The following DNMBP variants were observed in gnomAD, a reference collection of about 807,000 sequenced individuals.
The protein encoded by DNMBP is dynamin binding protein.
DNMBP carries 87 observed loss-of-function variants against 150.0 expected under a neutral mutation model. The observed-to-expected ratio is 0.58, with a 90% CI of 0.49 to 0.69. The LOEUF is 0.69. Ranked by LOEUF, DNMBP falls within the 30% of genes least tolerant of loss-of-function variation. DNMBP has a pLI of 0.00. For missense variants in DNMBP, 1,774 were observed against 1,949.0 expected (o/e 0.91, Z 1.69); for synonymous variants, 711 against 750.4 (o/e 0.95, Z 0.86).
chr10:99,908,387 G>A (rs1162543734), intron 5 of DNMBP, among the ~76,000 whole-genome samples: 4 of 152,188 alleles, frequency 2.6e-5, no homozygotes, highest in Non-Finnish European at 4.4e-5. Flanking sequence ...CCAACATCCC[G>A]TAGCACTGCC....
At chr10:99,960,502 C>G (rs987108339) in intron 3 of DNMBP, among the ~76,000 whole-genome samples, 11 of 152,060 alleles carry the variant, frequency 7.2e-5, no homozygotes, top group Non-Finnish European at 1.3e-4. Flanking sequence ...TTTTTACATG[C>G]TCTTGATTTA....
chr10:99,968,595 G>A (rs1036727169), intron 3 of DNMBP, among the ~76,000 whole-genome samples: 1 of 151,942 alleles, frequency 6.6e-6, no homozygotes, highest in South Asian at 2.1e-4. Context: ...AGCTGAGGTG[G>A]GAGGACTGCT....
At chr10:99,985,096 A>G (rs916885691) in intron 1 of DNMBP, among the ~76,000 whole-genome samples, 1 of 152,176 alleles carries the variant, frequency 6.6e-6, no homozygotes, top group African/African-American at 2.4e-5. Flanking sequence ...AAAAATCAGG[A>G]AAAGAATTTA....
Position 100,001,233 on chromosome 10 carries a change from T to TA in DNMBP, c.-11+8604dup, listed in dbSNP as rs71009800. ...AGGACAGAGCAAGACTCCGTCTCAT[T>TA]AAAAAAAAAAAAAAAAAAAAAAAAA... On this transcript the variant is annotated intron_variant, in intron 1 of 16. Transcript: ENST00000324109. Among the ~76,000 whole-genome samples, 31 of 21,732 alleles carry TA rather than the reference T, an allele frequency of 1.4e-3. 8 individuals are homozygous for TA. The highest frequency in any genetic ancestry group is 2.7e-3 in the Non-Finnish European group (27 of 9,860). The allele number at this position is 21,732 out of a possible 152,430, so 14.3% of individuals were successfully genotyped here. A position where few individuals can be genotyped will look rare whatever the true frequency, so the allele number is the denominator to read the frequency against.
chr10:99,940,818 ACCAAATC>A (rs768750312), intron 4 of DNMBP, among the ~76,000 whole-genome samples: 5 of 152,154 alleles, frequency 3.3e-5, no homozygotes, highest in Non-Finnish European at 5.9e-5. Context: ...TGACAAGGTC[ACCAAATC>A]CCACAGTCAT....
chr10:99,957,488 A>G (rs2040513995), intron 3 of DNMBP: 1 of 418,064 alleles, frequency 2.4e-6, no homozygotes. Context: ...GACTTTATCT[A>G]CATATTTTAC....
intron 4 of DNMBP, among the ~76,000 whole-genome samples, chr10:99,912,216 T>G (rs2039908781): frequency 6.6e-6 from 1 of 152,184 alleles, no homozygotes; most frequent in Non-Finnish European, 1.5e-5. Context: ...GTGCACTTAA[T>G]CCTGCACCAT....
At chr10:100,000,482 C>T (rs2040996375) in intron 1 of DNMBP, among the ~76,000 whole-genome samples, 1 of 152,100 alleles carries the variant, frequency 6.6e-6, no homozygotes, top group South Asian at 2.1e-4. Context: ...AAAATGCAGC[C>T]TCCGCAGGAG....
chr10:99,993,158 C>T (rs1408036130), intron 1 of DNMBP, among the ~76,000 whole-genome samples: 1 of 152,176 alleles, frequency 6.6e-6, no homozygotes, highest in Non-Finnish European at 1.5e-5. Context: ...GTAAGCATTA[C>T]ACCAGTGTCA....
At chr10:99,877,392 G>C in intron 16 of DNMBP, 56 bp from the exon 17 acceptor site, 2 of 1,443,066 alleles carry the variant, frequency 1.4e-6, no homozygotes, top group South Asian at 1.3e-5. Flanking sequence ...CCATCCAACA[G>C]CTTCGTGCGG....
intron 7 of DNMBP, among the ~76,000 whole-genome samples, chr10:99,899,039 A>G (rs1373023633): frequency 2.0e-5 from 3 of 151,764 alleles, no homozygotes; most frequent in South Asian, 2.1e-4. Context: ...CTAAAAACAT[A>G]AAAATTAGCT....
In DNMBP at chr10:99,909,195, A is replaced by G. The variant is rs181486796; in HGVS notation, c.2261-49T>C. 1.1e-4 allele frequency: 159 copies of G among 1,485,378 alleles called. 1 individual carries two copies. Among genetic ancestry groups the G allele is most frequent in the Middle Eastern group, 8.2e-4 (4 of 4,882 alleles). The allele number at this position is 1,485,378 out of a possible 1,614,324, so 92.0% of individuals were successfully genotyped here. ...TAGCAGCTCTGGGTGTAAAAGCAGC[A>G]CCCTTCCACAGTTTGAGGCAAACAG... On this transcript the variant is annotated intron_variant, in intron 4 of 16. Transcript: ENST00000324109.
At chr10:99,969,933 T>G (rs547186672) in intron 2 of DNMBP, among the ~76,000 whole-genome samples, 10 of 152,188 alleles carry the variant, frequency 6.6e-5, no homozygotes, top group Non-Finnish European at 1.3e-4. Flanking sequence ...TTTTCTAAAA[T>G]TCAAATCTGA....
chr10:99,907,910 G>C (rs982457596), intron 6 of DNMBP, 85 bp downstream of exon 6: 3 of 931,464 alleles, frequency 3.2e-6, no homozygotes, highest in Non-Finnish European at 5.1e-6. Flanking sequence ...CGGAGGCATA[G>C]TTACTCAGTA....
intron 1 of DNMBP, among the ~76,000 whole-genome samples, chr10:100,006,384 C>A (rs1210711302): frequency 6.6e-6 from 1 of 152,126 alleles, no homozygotes; most frequent in African/African-American, 2.4e-5. Context: ...ACTTAAAATT[C>A]TTGAGCTAGA....
intron 4 of DNMBP, among the ~76,000 whole-genome samples, chr10:99,937,737 A>C (rs2040249850): frequency 6.6e-6 from 1 of 152,170 alleles, no homozygotes. Context: ...CCATGAGCAC[A>C]CAGAATGGCA....
intron 5 of DNMBP, among the ~76,000 whole-genome samples, chr10:99,908,599 AC>A (rs2039855706): frequency 6.6e-6 from 1 of 152,212 alleles, no homozygotes; most frequent in Admixed American, 6.5e-5. Flanking sequence ...ATGAACAGGT[AC>A]TAGAGTCATG....
intron 6 of DNMBP, among the ~76,000 whole-genome samples, chr10:99,903,781 C>T (rs2039781068): frequency 6.6e-6 from 1 of 152,192 alleles, no homozygotes; most frequent in East Asian, 1.9e-4. Flanking sequence ...TTCAATTCGC[C>T]GTTCTTCAAC....
At chr10:99,943,358 G>A (rs377107832) in intron 4 of DNMBP, among the ~76,000 whole-genome samples, 4 of 150,248 alleles carry the variant, frequency 2.7e-5, no homozygotes, top group Admixed American at 2.0e-4. Flanking sequence ...ACTAGTTTGA[G>A]AAGGAATTCT....
Sources: allele counts gnomAD v4.1 joint callset (sites outside exome capture counted in the v4.1 genomes callset), GRCh38; gene constraint gnomAD v4.1.1; transcripts MANE v1.5; gene names NCBI Gene and HGNC (gene_info 2026-07-23, HGNC 2026-07-21).